SNX29: variants seen among roughly 807,000 people sequenced by gnomAD.
The protein encoded by SNX29 is sorting nexin-29.
A neutral mutation model predicts 102.1 loss-of-function variants in SNX29; 78 were observed. The ratio of observed to expected loss-of-function variants is 0.76; its 90% CI spans 0.64 to 0.92. The LOEUF (loss-of-function observed/expected upper bound fraction) is 0.92, where lower values mean the gene tolerates loss of function less well. Among genes scored for constraint, SNX29 ranks in the 40% least tolerant of loss-of-function variants. The probability of loss-of-function intolerance (pLI) is 0.00; values close to 1 mark genes in which losing one functional copy is unlikely to be tolerated. For missense variants in SNX29, 1,280 were observed against 1,061.7 expected, an observed-to-expected ratio of 1.21 and a Z score of -2.86; for synonymous variants, 580 against 414.5, an observed-to-expected ratio of 1.40 and a Z score of -4.85.
At chr16:12,531,365 G>C (rs961811162) in intron 20 of SNX29, among the ~76,000 whole-genome samples, 6 of 152,216 alleles carry the variant, frequency 3.9e-5, no homozygotes, top group African/African-American at 1.4e-4. Context: ...GCCAGGACTG[G>C]GTATAGTGGA....
At chr16:12,075,415 T>C (rs2051506762) in intron 10 of SNX29, among the ~76,000 whole-genome samples, 1 of 152,216 alleles carries the variant, frequency 6.6e-6, no homozygotes, top group Admixed American at 6.5e-5. Context: ...TGTTGGAGTT[T>C]GCTAGAGGTC....
At chr16:12,499,709 T>C (rs1454060319) in intron 19 of SNX29, among the ~76,000 whole-genome samples, 1 of 152,244 alleles carries the variant, frequency 6.6e-6, no homozygotes, top group Non-Finnish European at 1.5e-5. Flanking sequence ...GATCTCACTC[T>C]GTCGCCCAGG....
intron 11 of SNX29, chr16:12,086,849 C>G (rs1021388553): frequency 1.3e-5 from 2 of 152,098 alleles, no homozygotes; most frequent in African/African-American, 4.8e-5. Flanking sequence ...GGGTCCCAAT[C>G]TGGGGGACCA....
chr16:12,072,802 C>G (rs375445244), intron 10 of SNX29, among the ~76,000 whole-genome samples: 1 of 152,000 alleles, frequency 6.6e-6, no homozygotes, highest in African/African-American at 2.4e-5. Context: ...TGGTCCTGGA[C>G]TCTTTTTGGT....
intron 14 of SNX29, among the ~76,000 whole-genome samples, chr16:12,235,214 C>T (rs2077890441): frequency 6.6e-6 from 1 of 152,034 alleles, no homozygotes; most frequent in South Asian, 2.1e-4. Flanking sequence ...TCTCTCTGTC[C>T]CTGGTGTTCA....
At chr16:12,554,971 G>GTGGGGGGA (rs1567189074) in intron 20 of SNX29, among the ~76,000 whole-genome samples, 1 of 150,806 alleles carries the variant, frequency 6.6e-6, no homozygotes, top group African/African-American at 2.5e-5. Flanking sequence ...GTGGTGAGGG[G>GTGGGGGGA]GGTCAGTCAG....
chr16:12,303,868 C>T lies in SNX29; in HGVS notation c.1782+25832C>T, dbSNP rs188830402. ...CAGCTGAGTCCTTGAGAATGACGTG[C>T]ACCTTCTGGTTTATCACAGTACTTA... On this transcript the variant is annotated intron_variant, in intron 15 of 20. Transcript: ENST00000566228. Among the ~76,000 whole-genome samples, 434 of 152,306 alleles carry T rather than the reference C, an allele frequency of 2.8e-3. 1 individual carries two copies. Among genetic ancestry groups the T allele is most frequent in the South Asian group, 7.0e-3 (34 of 4,826 alleles).
chr16:12,240,443 A>G (rs2078067274), intron 14 of SNX29, among the ~76,000 whole-genome samples: 1 of 151,942 alleles, frequency 6.6e-6, no homozygotes, highest in Non-Finnish European at 1.5e-5. Context: ...ACTATTGACC[A>G]TTTGTTGTTT....
At chr16:12,348,934 C>T (rs1338260486) in intron 15 of SNX29, among the ~76,000 whole-genome samples, 1 of 152,132 alleles carries the variant, frequency 6.6e-6, no homozygotes, top group Admixed American at 6.5e-5. Context: ...TGAGTCTGCC[C>T]ACCCCTCCAC....
chr16:12,323,466 C>T (rs147110645), intron 15 of SNX29, among the ~76,000 whole-genome samples: 12 of 149,676 alleles, frequency 8.0e-5, no homozygotes, highest in African/African-American at 3.0e-4. Flanking sequence ...ATGATGAATA[C>T]AAAACAGTAG....
intron 16 of SNX29, among the ~76,000 whole-genome samples, chr16:12,380,729 AT>A (rs2151424221): frequency 1.2e-5 from 1 of 81,836 alleles, no homozygotes. Context: ...TCCACCCGCC[AT>A]CCATCCATCC....
intron 14 of SNX29, among the ~76,000 whole-genome samples, chr16:12,206,684 C>T (rs1210811118): frequency 2.0e-5 from 3 of 152,102 alleles, no homozygotes; most frequent in Admixed American, 2.0e-4. Context: ...ACTGTCCCGT[C>T]TTTCCATCTC....
intron 20 of SNX29, chr16:12,546,649 C>T (rs186038143): frequency 6.6e-6 from 1 of 152,124 alleles, no homozygotes; most frequent in East Asian, 1.9e-4. Flanking sequence ...TAAACAATTA[C>T]CAAGAAGAGT....
At position 12,565,116 on chromosome 16, in the gene SNX29, G is replaced by A. The variant is rs559043339; in HGVS notation, c.2319-3390G>A. ...TCTTCTCTTCTGAGTACTGGCCCTA[G>A]TCTCTTATCCACATTAGCCCCCACT... On this transcript the variant is annotated intron_variant, in intron 20 of 20. Coordinates refer to ENST00000566228, the MANE Select transcript of SNX29 (RefSeq NM_032167.5). 1.1e-4 allele frequency among the ~76,000 whole-genome samples: 16 copies of A among 147,504 alleles called. No homozygotes were observed. In the East Asian group the frequency reaches 3.3e-3, roughly 31 times the overall value.
At chr16:12,040,610 TA>T (rs1418958956) in intron 4 of SNX29, among the ~76,000 whole-genome samples, 5 of 152,200 alleles carry the variant, frequency 3.3e-5, no homozygotes, top group African/African-American at 7.2e-5. Context: ...TATTTATGTA[TA>T]GGGGTGTTCT....
In SNX29 at chr16:12,013,541, A is replaced by G. The variant is rs181405885; in HGVS notation, c.122+10498A>G. ...TATATATATATATATATATATATAT[A>G]TCGAGAGAGGAGAAAAGGGTGGTCT... On this transcript the variant is annotated intron_variant, in intron 3 of 20. Coordinates refer to ENST00000566228, the MANE Select transcript of SNX29 (RefSeq NM_032167.5). Among the ~76,000 whole-genome samples, 108 of 119,204 alleles carry G rather than the reference A, an allele frequency of 9.1e-4. 5 individuals carry two copies. The East Asian group carries it at 0.024, about 27-fold the overall frequency. The allele number at this position is 119,204 out of a possible 152,430, so 78.2% of individuals were successfully genotyped here.
intron 15 of SNX29, among the ~76,000 whole-genome samples, chr16:12,308,446 GCT>G (rs1269757062): frequency 6.6e-6 from 1 of 152,170 alleles, no homozygotes; most frequent in East Asian, 1.9e-4. Context: ...CTGGATTGTT[GCT>G]GTAGCCTGGC....
At chr16:12,204,448 C>T (rs568575999) in intron 14 of SNX29, among the ~76,000 whole-genome samples, 129 of 152,310 alleles carry the variant, frequency 8.5e-4, no homozygotes, top group African/African-American at 3.0e-3. Flanking sequence ...TCCTACCTCC[C>T]CTCTTACTGG....
chr16:12,352,283 G>T lies in SNX29; in HGVS notation c.1783-3880G>T, dbSNP rs146422489. 4.8e-3 allele frequency among the ~76,000 whole-genome samples: 725 copies of T among 151,808 alleles called. 5 individuals are homozygous for T. The highest frequency in any genetic ancestry group is 0.017 in the African/African-American group (698 of 41,308). Reference sequence around the variant, plus strand: ...TGGCAAGGACAAAAAACCAAACACCGCATGTTCTCACTCATAGGTGGGAGT... The same window carrying T: ...TGGCAAGGACAAAAAACCAAACACCTCATGTTCTCACTCATAGGTGGGAGT... On this transcript the variant is annotated intron_variant, in intron 15 of 20. Transcript: ENST00000566228.
Sources: gnomAD v4.1 joint callset for allele counts (sites outside exome capture counted in the v4.1 genomes callset) on GRCh38, gnomAD v4.1.1 for gene constraint, MANE v1.5 for transcripts, NCBI Gene and HGNC (gene_info 2026-07-23, HGNC 2026-07-21) for gene names.